The following COL9A3 variants were observed in gnomAD, a reference collection of about 807,000 sequenced individuals.
COL9A3 encodes the protein collagen type IX alpha 3 chain.
A neutral mutation model predicts 110.2 loss-of-function variants in COL9A3; 82 were observed. The ratio of observed to expected loss-of-function variants is 0.74; its 90% CI spans 0.62 to 0.89. The LOEUF (loss-of-function observed/expected upper bound fraction) is 0.89. Among genes scored for constraint, COL9A3 ranks in the 40% least tolerant of loss-of-function variants. COL9A3 has a pLI of 0.00. For missense variants in COL9A3, 1,066 were observed against 981.3 expected, an observed-to-expected ratio of 1.09 and a Z score of -1.15; for synonymous variants, 494 against 403.8, an observed-to-expected ratio of 1.22 and a Z score of -2.68.
At position 62,837,120 on chromosome 20, in the gene COL9A3, T is replaced by A. The variant is rs778471338; in HGVS notation, c.1641T>A (p.Pro547=). 9.9e-6 allele frequency: 16 copies of A among 1,613,536 alleles called. 1 individual carries two copies. Among genetic ancestry groups the A allele is most frequent in the Non-Finnish European group, 1.4e-5 (16 of 1,180,010 alleles). Residue 547 remains proline, a synonymous_variant, in exon 30 of 32, where the codon CCT becomes CCA. Coordinates refer to ENST00000649368, the MANE Select transcript of COL9A3 (RefSeq NM_001853.4). ...AGTTAGCCGCGCACCTAAGGAAGCC[T>A]TTGGCACCCGGGTCCATTGGTCGGC... ...IAQLAAHLRK[P]LAPGSIGRPG...
At chr20:62,818,269 C>T (rs919529693) in intron 2 of COL9A3, among the ~76,000 whole-genome samples, 1 of 152,214 alleles carries the variant, frequency 6.6e-6, no homozygotes, top group East Asian at 1.9e-4. Flanking sequence ...ACCCTCTGCC[C>T]CCCTGCCCAG....
At chr20:62,838,003 C>T (rs763515585) in intron 30 of COL9A3, among the ~76,000 whole-genome samples, 18 of 152,118 alleles carry the variant, frequency 1.2e-4, no homozygotes, top group South Asian at 2.1e-4. Flanking sequence ...ATTTGAATGA[C>T]GCAATTAGAG....
intron 22 of COL9A3, among the ~76,000 whole-genome samples, chr20:62,830,056 G>A (rs112287677): frequency 6.6e-6 from 1 of 152,142 alleles, no homozygotes; most frequent in Non-Finnish European, 1.5e-5. Flanking sequence ...CCAGCCTTGT[G>A]CCCCCATAGA....
At chr20:62,832,596 G>A (rs1274422073) in intron 25 of COL9A3, among the ~76,000 whole-genome samples, 1 of 123,438 alleles carries the variant, frequency 8.1e-6, no homozygotes, top group Non-Finnish European at 1.9e-5. Flanking sequence ...GTGTTTTGCA[G>A]GCAGATTCGA....
intron 7 of COL9A3, 76 bp from the exon 8 acceptor site, chr20:62,821,681 C>A: frequency 2.0e-6 from 3 of 1,537,668 alleles, no homozygotes; most frequent in Non-Finnish European, 2.7e-6. Flanking sequence ...CCTTCGGAGG[C>A]GGCACACCAA....
rs771148045 is a variant in COL9A3 at position 62,840,618 on chromosome 20, T to C, written c.1941T>C (p.Pro647=). The part of the protein sequence containing the change: ...APGEPGPPGD[P]GLPGAIGAQG... Reference sequence around the variant, plus strand: ...GCGAGCCTGGGCCTCCCGGAGATCCTGGGCTTCCAGGTGCCATTGGGGCCC... The same window carrying C: ...GCGAGCCTGGGCCTCCCGGAGATCCCGGGCTTCCAGGTGCCATTGGGGCCC... Residue 647 remains proline, a synonymous_variant, in exon 32 of 32, where the codon CCT becomes CCC. Coordinates refer to ENST00000649368, the MANE Select transcript of COL9A3 (RefSeq NM_001853.4). 2.5e-6 allele frequency: 4 copies of C among 1,613,248 alleles called. No homozygotes were observed. Among genetic ancestry groups the C allele is most frequent in the Non-Finnish European group, 3.4e-6 (4 of 1,179,864 alleles).
chr20:62,819,036 G>A (rs944014692), intron 3 of COL9A3, among the ~76,000 whole-genome samples, 186 bp from the exon 4 acceptor site: 6 of 152,222 alleles, frequency 3.9e-5, no homozygotes, highest in Non-Finnish European at 8.8e-5. Context: ...CCAGCAAGGT[G>A]TGGGCAAGCA....
chr20:62,827,429 G>C (rs374502610), intron 16 of COL9A3, 135 bp downstream of exon 16: 5 of 897,464 alleles, frequency 5.6e-6, no homozygotes, highest in East Asian at 2.6e-5. Context: ...GGGGGTGCGT[G>C]GGGGTGAGCC....
chr20:62,822,667 G>A, intron 10 of COL9A3, 35 bp downstream of exon 10: 1 of 1,607,064 alleles, frequency 6.2e-7, no homozygotes. Flanking sequence ...AGGGTGCTGG[G>A]GGGTGCCTAC....
intron 31 of COL9A3, among the ~76,000 whole-genome samples, chr20:62,840,289 G>A (rs2063666460): frequency 6.6e-6 from 1 of 151,936 alleles, no homozygotes; most frequent in Non-Finnish European, 1.5e-5. Flanking sequence ...GTAAGTCAGA[G>A]TGCGGGTGTC....
chr20:62,818,805 C>G (rs1006419090), intron 3 of COL9A3, among the ~76,000 whole-genome samples: 2 of 151,970 alleles, frequency 1.3e-5, no homozygotes, highest in East Asian at 3.9e-4. Flanking sequence ...AGGCCGGGAC[C>G]GGGGCTGGTA....
chr20:62,829,013 A>G (rs779049964), intron 19 of COL9A3, 37 bp downstream of exon 19: 1 of 1,568,558 alleles, frequency 6.4e-7, no homozygotes, highest in Admixed American at 1.8e-5. Context: ...CTGGGGCGCC[A>G]CAGCTTCTGC....
intron 26 of COL9A3, among the ~76,000 whole-genome samples, chr20:62,834,674 T>A (rs1389727756): frequency 6.6e-6 from 1 of 152,132 alleles, no homozygotes; most frequent in Non-Finnish European, 1.5e-5. Flanking sequence ...GACGGAGTCT[T>A]GCTCTGTCCC....
At chr20:62,830,651 C>A (rs201886241) in intron 24 of COL9A3, 63 bp downstream of exon 24, 13 of 609,420 alleles carry the variant, frequency 2.1e-5, no homozygotes, top group Non-Finnish European at 2.4e-5. Context: ...CACAGTCCCC[C>A]ACCCCCATGA....
At chr20:62,839,579 C>G (rs1413599390) in intron 31 of COL9A3, among the ~76,000 whole-genome samples, 2 of 152,246 alleles carry the variant, frequency 1.3e-5, no homozygotes, top group East Asian at 1.9e-4. Flanking sequence ...GCTCCCACCT[C>G]TGCCTGGGTG....
Position 62,829,542 on chromosome 20 carries a change from G to A in COL9A3, c.1053+43G>A, listed in dbSNP as rs539890587. On this transcript the variant is annotated intron_variant, in intron 20 of 31. Coordinates refer to ENST00000649368, the MANE Select transcript of COL9A3 (RefSeq NM_001853.4). Reference sequence around the variant, plus strand: ...CTTTCTCTCTGGGAGGGGAGGCGAGGGGCCGGGAGGCAAGGGGCTGGGGGG... The same window carrying A: ...CTTTCTCTCTGGGAGGGGAGGCGAGAGGCCGGGAGGCAAGGGGCTGGGGGG... The A allele has an allele frequency of 3.6e-4, 580 of 1,610,320 alleles. 11 individuals are homozygous for A. In the South Asian group the frequency reaches 6.1e-3, roughly 17 times the overall value.
At position 62,822,125 on chromosome 20, in the gene COL9A3, C is replaced by A. The variant is rs760793239; in HGVS notation, c.438C>A (p.Leu146=). Residue 146 remains leucine, a synonymous_variant, in exon 9 of 32, where the codon CTC becomes CTA. Coordinates refer to ENST00000649368, the MANE Select transcript of COL9A3 (RefSeq NM_001853.4). ...GLRGPPGPSG[L]PGLPGPPGPP... ...CCCCTCCCCAGGGACCTTCTGGACT[C>A]CCCGGCCTCCCTGGTCCCCCAGGAC... 2.5e-6 allele frequency: 4 copies of A among 1,582,626 alleles called. No individual in the cohort carries two copies. In the Admixed American group the frequency reaches 6.7e-5, roughly 26 times the overall value.
intron 31 of COL9A3, among the ~76,000 whole-genome samples, chr20:62,839,554 T>C (rs1320368552): frequency 6.6e-6 from 1 of 150,448 alleles, no homozygotes; most frequent in Non-Finnish European, 1.5e-5. Context: ...CCGAACAGTC[T>C]TCGAGAAGGC....
At position 62,825,887 on chromosome 20, in the gene COL9A3, G is replaced by T; in HGVS notation, c.684+17G>T. Reference sequence around the variant, plus strand: ...GGGCTGCAGGTGAGGCTAGGAAGGGGTAAGGATGGTGGGATGGGAACTCAG... The same window carrying T: ...GGGCTGCAGGTGAGGCTAGGAAGGGTTAAGGATGGTGGGATGGGAACTCAG... On this transcript the variant is annotated intron_variant, in intron 13 of 31. Coordinates refer to ENST00000649368, the MANE Select transcript of COL9A3 (RefSeq NM_001853.4). 6.4e-7 allele frequency: 1 copy of T among 1,557,684 alleles called. No individual in the cohort carries two copies. Among genetic ancestry groups the T allele is most frequent in the South Asian group, 1.2e-5 (1 of 84,574 alleles).
Sources: allele counts gnomAD v4.1 joint callset (sites outside exome capture counted in the v4.1 genomes callset), GRCh38; gene constraint gnomAD v4.1.1; transcripts MANE v1.5; gene names NCBI Gene and HGNC (gene_info 2026-07-23, HGNC 2026-07-21).